Variants in LRPPRC observed in about 807,000 individuals in gnomAD.
The protein encoded by LRPPRC is leucine rich pentatricopeptide repeat containing.
LRPPRC carries 120 observed loss-of-function variants against 180.3 expected under a neutral mutation model. The ratio of observed to expected loss-of-function variants is 0.67; its 90% CI spans 0.57 to 0.77. The LOEUF is 0.77. Among genes scored for constraint, LRPPRC ranks in the 30% least tolerant of loss-of-function variants. The pLI is 0.00. For synonymous variants in LRPPRC, 723 were observed against 600.0 expected, an observed-to-expected ratio of 1.21 and a Z score of -3.00; for missense variants, 2,012 against 1,657.2, an observed-to-expected ratio of 1.21 and a Z score of -3.72.
intron 27 of LRPPRC, among the ~76,000 whole-genome samples, chr2:43,919,887 G>A (rs1039802197): frequency 4.0e-5 from 6 of 151,840 alleles, no homozygotes; most frequent in African/African-American, 1.5e-4. Flanking sequence ...CAGCACAAAT[G>A]TTCCAGACAA....
chr2:43,923,780 C>A (rs150055407), intron 27 of LRPPRC, among the ~76,000 whole-genome samples: 26 of 150,664 alleles, frequency 1.7e-4, no homozygotes, highest in Non-Finnish European at 3.1e-4. Context: ...CATATTTAGA[C>A]ATATAGTCAG....
intron 30 of LRPPRC, among the ~76,000 whole-genome samples, chr2:43,910,882 C>A (rs17578429): frequency 0.019 from 2,952 of 152,118 alleles, 251 homozygotes; most frequent in East Asian, 0.19. Flanking sequence ...GTCTTTGTGA[C>A]CAAACTCAAA....
intron 14 of LRPPRC, among the ~76,000 whole-genome samples, chr2:43,953,707 T>C (rs1293966639): frequency 1.3e-5 from 2 of 152,224 alleles, no homozygotes; most frequent in Non-Finnish European, 2.9e-5. Context: ...TTTTCGAATA[T>C]TTTCAATGTT....
intron 27 of LRPPRC, among the ~76,000 whole-genome samples, chr2:43,920,773 G>A (rs1487839570): frequency 6.6e-6 from 1 of 152,034 alleles, no homozygotes; most frequent in East Asian, 1.9e-4. Context: ...TGGACTGTGG[G>A]AAGACAGGGA....
In LRPPRC at chr2:43,949,681, G is replaced by A. The variant is rs769633318; in HGVS notation, c.1678-22C>T. Reference sequence around the variant, plus strand: ...TTATCTGGTAAGACAGAAAATTCGTGCATTGCAGCAAGAGAAGCAAACAAG... The same window carrying A: ...TTATCTGGTAAGACAGAAAATTCGTACATTGCAGCAAGAGAAGCAAACAAG... On this transcript the variant is annotated intron_variant, in intron 15 of 37. Transcript: ENST00000260665. 3.2e-6 allele frequency: 5 copies of A among 1,548,858 alleles called. No homozygotes were observed. The East Asian group carries it at 9.0e-5, about 28-fold the overall frequency.
At chr2:43,993,745 A>G (rs960975922) in intron 1 of LRPPRC, among the ~76,000 whole-genome samples, 1 of 152,112 alleles carries the variant, frequency 6.6e-6, no homozygotes, top group African/African-American at 2.4e-5. Flanking sequence ...AAAGAAAAAA[A>G]AAAAAACCAG....
rs185590401 is a variant in LRPPRC at position 43,989,257 on chromosome 2, T to C, written c.149+6542A>G. 2.0e-4 allele frequency among the ~76,000 whole-genome samples: 30 copies of C among 152,372 alleles called. No homozygotes were observed. In the East Asian group the frequency reaches 5.0e-3, roughly 25 times the overall value. Reference sequence around the variant, plus strand: ...GACAAATTTAGCTGCCCCAGTTTTATGCTTTATGGTAAATCACAGAATTTT... The same window carrying C: ...GACAAATTTAGCTGCCCCAGTTTTACGCTTTATGGTAAATCACAGAATTTT... On this transcript the variant is annotated intron_variant, in intron 1 of 37. Transcript: ENST00000260665.
At chr2:43,991,952 A>G (rs1456910980) in intron 1 of LRPPRC, among the ~76,000 whole-genome samples, 2 of 152,190 alleles carry the variant, frequency 1.3e-5, no homozygotes, top group Admixed American at 6.5e-5. Flanking sequence ...TAAGATTTTC[A>G]TTGATTCACT....
intron 1 of LRPPRC, among the ~76,000 whole-genome samples, chr2:43,990,980 G>C (rs1445930776): frequency 6.6e-6 from 1 of 151,802 alleles, no homozygotes; most frequent in African/African-American, 2.4e-5. Context: ...CAAGTAGCTG[G>C]GATTACAGGC....
chr2:43,930,409 C>T (rs1672046654), intron 25 of LRPPRC, among the ~76,000 whole-genome samples: 5 of 152,104 alleles, frequency 3.3e-5, no homozygotes, highest in Admixed American at 2.0e-4. Flanking sequence ...TTGAGTATCC[C>T]TTATCCAAAA....
At chr2:43,958,925 A>G in intron 13 of LRPPRC, 1 of 325,772 alleles carries the variant, frequency 3.1e-6, no homozygotes, top group Non-Finnish European at 5.5e-6. Flanking sequence ...TCTTTTTTAA[A>G]TCTAATAAAC....
Position 43,963,649 on chromosome 2 carries a change from G to A in LRPPRC, c.1427C>T (p.Thr476Ile). The A allele has an allele frequency of 6.2e-7, 1 of 1,612,646 alleles. No homozygotes were observed. The highest frequency in any genetic ancestry group is 2.2e-5 in the East Asian group (1 of 44,860). The change falls in exon 12 of 38, where the codon ACA becomes ATA. Residue 476 changes from threonine to isoleucine, a missense_variant. Thr to Ile is a moderately conservative substitution (Grantham distance 89, BLOSUM62 -1). Transcript: ENST00000260665. ...GCATGGAATCACATAATCTGTATAT[G>A]TTTCCTGATCAGGATGTACTCCCAA... ...QELGVHPDQE[T>I]YTDYVIPCFD...
At chr2:43,942,386 A>G (rs979693683) in intron 23 of LRPPRC, among the ~76,000 whole-genome samples, 1 of 152,130 alleles carries the variant, frequency 6.6e-6, no homozygotes, top group Non-Finnish European at 1.5e-5. Flanking sequence ...ATTTCTATAT[A>G]AAGTTGGCTA....
intron 1 of LRPPRC, among the ~76,000 whole-genome samples, chr2:43,982,939 T>TC (rs199974765): frequency 0.026 from 3,993 of 152,140 alleles, 176 homozygotes; most frequent in African/African-American, 0.09. Flanking sequence ...AGGGTTTTTT[T>TC]TTTTAAGGAT....
At chr2:43,938,247 A>G (rs1468086143) in intron 23 of LRPPRC, among the ~76,000 whole-genome samples, 1 of 152,122 alleles carries the variant, frequency 6.6e-6, no homozygotes, top group Admixed American at 6.5e-5. Flanking sequence ...TTTCATGCAT[A>G]AAACTACGTA....
intron 13 of LRPPRC, chr2:43,959,206 G>A: frequency 1.4e-6 from 1 of 716,376 alleles, no homozygotes; most frequent in Non-Finnish European, 2.6e-6. Context: ...TTTTCTTCTT[G>A]TCAGATTGGA....
At chr2:43,941,318 C>T (rs533451387) in intron 23 of LRPPRC, among the ~76,000 whole-genome samples, 2 of 152,110 alleles carry the variant, frequency 1.3e-5, no homozygotes, top group Non-Finnish European at 2.9e-5. Context: ...AATTACAACA[C>T]GAAAGTGATA....
Position 43,976,983 on chromosome 2 carries a change from C to T in LRPPRC, c.650+11G>A, listed in dbSNP as rs2103724910. On this transcript the variant is annotated intron_variant, in intron 5 of 37. Coordinates refer to ENST00000260665, the MANE Select transcript of LRPPRC (RefSeq NM_133259.4). ...ATTTGTTCGCTTAAACATGTTCATA[C>T]AGATCCATACCTGGCACCTTCAATA... The T allele has an allele frequency of 1.2e-6, 2 of 1,609,210 alleles. No individual in the cohort carries two copies. Among genetic ancestry groups the T allele is most frequent in the Middle Eastern group, 1.7e-4 (1 of 6,046 alleles).
At position 43,951,166 on chromosome 2, in the gene LRPPRC, C is replaced by T. The variant is rs1449979368; in HGVS notation, c.1650-566G>A. 2.6e-5 allele frequency among the ~76,000 whole-genome samples: 4 copies of T among 152,164 alleles called. No homozygotes were observed. In the South Asian group the frequency reaches 8.3e-4, roughly 32 times the overall value. ...GGACCGGGTGATCAAAACTAATGTGCCTTTAAATATAATTCCCTGAGAAGA... is the reference window on the plus strand; with the variant it reads ...GGACCGGGTGATCAAAACTAATGTGTCTTTAAATATAATTCCCTGAGAAGA... On this transcript the variant is annotated intron_variant, in intron 14 of 37. Coordinates refer to ENST00000260665, the MANE Select transcript of LRPPRC (RefSeq NM_133259.4).
Sources: allele counts gnomAD v4.1 joint callset (sites outside exome capture counted in the v4.1 genomes callset), GRCh38; gene constraint gnomAD v4.1.1; transcripts MANE v1.5; gene names NCBI Gene and HGNC (gene_info 2026-07-23, HGNC 2026-07-21).